Variants in TANC1 observed in about 807,000 individuals in gnomAD.
TANC1 encodes protein TANC1.
TANC1 carries 77 observed loss-of-function variants against 149.7 expected under a neutral mutation model. That is an observed-to-expected ratio of 0.51 (90% CI 0.43 to 0.62). The LOEUF (loss-of-function observed/expected upper bound fraction) is 0.62, where lower values mean the gene tolerates loss of function less well. TANC1 is among the 20% of genes least tolerant of loss of function. TANC1 has a pLI of 0.00. For missense variants in TANC1, 1,985 were observed against 2,321.8 expected, an observed-to-expected ratio of 0.85 and a Z score of 2.98; for synonymous variants, 854 against 925.0, an observed-to-expected ratio of 0.92 and a Z score of 1.39.
At chr2:159,004,622 T>A (rs1189392404) in intron 2 of TANC1, among the ~76,000 whole-genome samples, 1 of 152,116 alleles carries the variant, frequency 6.6e-6, no homozygotes, top group Admixed American at 6.6e-5. Context: ...TATGTTTATG[T>A]ATGTGTGTGG....
chr2:159,121,283 G>A (rs867230929), intron 4 of TANC1, among the ~76,000 whole-genome samples: 3 of 152,340 alleles, frequency 2.0e-5, no homozygotes, highest in South Asian at 2.1e-4. Context: ...GCTGGGAAAT[G>A]CAATTATTTA....
intron 9 of TANC1, among the ~76,000 whole-genome samples, chr2:159,169,881 T>C (rs1462486641): frequency 6.6e-6 from 1 of 151,950 alleles, no homozygotes; most frequent in Non-Finnish European, 1.5e-5. Flanking sequence ...TAATCACAGC[T>C]ACTTGGGAGG....
intron 14 of TANC1, among the ~76,000 whole-genome samples, chr2:159,185,563 C>T (rs2056892790): frequency 6.6e-6 from 1 of 152,202 alleles, no homozygotes; most frequent in African/African-American, 2.4e-5. Context: ...TGGTTCTGTG[C>T]TCTGTGTCTA....
At chr2:159,137,524 A>G (rs1384380630) in intron 5 of TANC1, among the ~76,000 whole-genome samples, 1 of 152,062 alleles carries the variant, frequency 6.6e-6, no homozygotes, top group African/African-American at 2.4e-5. Context: ...TGAGCTGAGG[A>G]TTTGTGCACA....
At chr2:159,032,801 C>T (rs1435905746) in intron 2 of TANC1, among the ~76,000 whole-genome samples, 1 of 151,976 alleles carries the variant, frequency 6.6e-6, no homozygotes, top group Admixed American at 6.6e-5. Context: ...TTCCCTTCTG[C>T]ATTGTGCATG....
intron 1 of TANC1, among the ~76,000 whole-genome samples, chr2:158,989,608 T>TC (rs1189689351): frequency 9.3e-6 from 1 of 107,546 alleles, no homozygotes; most frequent in African/African-American, 3.6e-5. Context: ...AGACTCAGTC[T>TC]CAAAAAAAAA....
At chr2:159,112,543 A>C (rs1475570711) in intron 4 of TANC1, among the ~76,000 whole-genome samples, 1 of 146,834 alleles carries the variant, frequency 6.8e-6, no homozygotes, top group African/African-American at 2.5e-5. Flanking sequence ...GGCGTGAGCC[A>C]CTGCACCCAG....
At chr2:159,099,020 T>C (rs1389438682) in intron 4 of TANC1, among the ~76,000 whole-genome samples, 1 of 152,196 alleles carries the variant, frequency 6.6e-6, no homozygotes, top group African/African-American at 2.4e-5. Flanking sequence ...TTACTTGAGA[T>C]CACCTATGCT....
chr2:159,217,840 G>C (rs1179874409), intron 20 of TANC1, among the ~76,000 whole-genome samples: 1 of 152,210 alleles, frequency 6.6e-6, no homozygotes, highest in East Asian at 1.9e-4. Flanking sequence ...GCTGCTCAAG[G>C]CTGAGCTATC....
At chr2:158,992,669 A>ATTTTTT (rs70994251) in intron 1 of TANC1, among the ~76,000 whole-genome samples, 10 of 112,480 alleles carry the variant, frequency 8.9e-5, no homozygotes, top group African/African-American at 2.8e-4. Context: ...TGCCCAGCTA[A>ATTTTTT]TTTTTTTTTT....
intron 2 of TANC1, among the ~76,000 whole-genome samples, chr2:159,042,546 C>T (rs1174555493): frequency 3.3e-5 from 5 of 151,840 alleles, no homozygotes; most frequent in African/African-American, 1.2e-4. Flanking sequence ...TGGATGACAC[C>T]AGGGAAGACC....
At chr2:159,129,163 T>C (rs980647234) in intron 4 of TANC1, among the ~76,000 whole-genome samples, 21 of 152,168 alleles carry the variant, frequency 1.4e-4, no homozygotes, top group African/African-American at 5.1e-4. Context: ...TAGCCTCAGG[T>C]GTTCTGTGTC....
chr2:159,190,788 G>T (rs2057382075), intron 16 of TANC1, among the ~76,000 whole-genome samples: 1 of 152,182 alleles, frequency 6.6e-6, no homozygotes, highest in Admixed American at 6.6e-5. Context: ...CTGACCTCAG[G>T]TGATCCACCC....
At chr2:159,073,965 G>A (rs907844307) in intron 3 of TANC1, among the ~76,000 whole-genome samples, 1 of 152,190 alleles carries the variant, frequency 6.6e-6, no homozygotes, top group African/African-American at 2.4e-5. Flanking sequence ...AGGGGATGGT[G>A]TGTTTACCAA....
chr2:159,172,664 T>C (rs535505998), intron 11 of TANC1, among the ~76,000 whole-genome samples: 143 of 152,360 alleles, frequency 9.4e-4, no homozygotes, highest in African/African-American at 3.3e-3. Flanking sequence ...TTGGTTTCCT[T>C]GGCTTTCTGA....
At chr2:159,032,613 G>C (rs752887542) in intron 2 of TANC1, among the ~76,000 whole-genome samples, 1 of 152,176 alleles carries the variant, frequency 6.6e-6, no homozygotes, top group South Asian at 2.1e-4. Flanking sequence ...CCTGTCAGTC[G>C]CAGCTTCTCA....
intron 4 of TANC1, among the ~76,000 whole-genome samples, chr2:159,114,239 T>TC (rs2048021153): frequency 6.6e-6 from 1 of 152,126 alleles, no homozygotes; most frequent in African/African-American, 2.4e-5. Flanking sequence ...ACTGTCCTCC[T>TC]GAGGGGAGGA....
intron 2 of TANC1, among the ~76,000 whole-genome samples, chr2:159,025,225 C>CTTTCTT (rs1553519952): frequency 1.6e-5 from 2 of 124,536 alleles, no homozygotes; most frequent in African/African-American, 3.1e-5. Context: ...TTCTTTCTTT[C>CTTTCTT]TTTCTTTCTT....
At chr2:159,161,882 CTCAT>C (rs918807205) in intron 7 of TANC1, among the ~76,000 whole-genome samples, 4 of 152,206 alleles carry the variant, frequency 2.6e-5, no homozygotes, top group African/African-American at 9.7e-5. Flanking sequence ...TATTCATTTG[CTCAT>C]TCATTCAATT....
Sources: gnomAD v4.1 joint callset for allele counts (sites outside exome capture counted in the v4.1 genomes callset) on GRCh38, gnomAD v4.1.1 for gene constraint, MANE v1.5 for transcripts, NCBI Gene and HGNC (gene_info 2026-07-23, HGNC 2026-07-21) for gene names.